GABBR2: variants seen among roughly 807,000 people sequenced by gnomAD.
GABBR2 encodes the protein G-protein coupled receptor 51.
In GABBR2, 23 loss-of-function variants were observed where a neutral mutation model predicts 105.6. The observed-to-expected ratio is 0.22, with a 90% CI of 0.16 to 0.31. The LOEUF (loss-of-function observed/expected upper bound fraction) is 0.31. Among genes scored for constraint, GABBR2 ranks in the 10% least tolerant of loss-of-function variants. The pLI is 1.00. For synonymous variants in GABBR2, 478 were observed against 499.7 expected, an observed-to-expected ratio of 0.96 and a Z score of 0.58; for missense variants, 734 against 1,245.5, an observed-to-expected ratio of 0.59 and a Z score of 6.18.
rs545353236 is a variant in GABBR2 at position 98,565,107 on chromosome 9, C to T, written c.459+12828G>A. On this transcript the variant is annotated intron_variant, in intron 2 of 18. Coordinates refer to ENST00000259455, the MANE Select transcript of GABBR2 (RefSeq NM_005458.8). ...GGAAGGCCACCAGAAAGGCTGGCACCACAGCTCTCTGCCCTACCTGAGGTA... is the reference window on the plus strand; with the variant it reads ...GGAAGGCCACCAGAAAGGCTGGCACTACAGCTCTCTGCCCTACCTGAGGTA... Among the ~76,000 whole-genome samples, 5 of 152,308 alleles carry T rather than the reference C, an allele frequency of 3.3e-5. No individual in the cohort carries two copies. In the South Asian group the frequency reaches 6.2e-4, roughly 19 times the overall value.
chr9:98,477,196 C>T (rs1467916594), intron 5 of GABBR2, among the ~76,000 whole-genome samples: 1 of 152,168 alleles, frequency 6.6e-6, no homozygotes, highest in Non-Finnish European at 1.5e-5. Context: ...CGGTTGTGGA[C>T]CGACCGAATG....
At chr9:98,599,980 C>T (rs974566694) in intron 1 of GABBR2, among the ~76,000 whole-genome samples, 11 of 152,050 alleles carry the variant, frequency 7.2e-5, no homozygotes, top group African/African-American at 1.9e-4. Context: ...AGTGGGAATG[C>T]GAAGAGTCAA....
At chr9:98,394,387 C>T (rs1283936128) in intron 8 of GABBR2, 132 bp from the exon 9 acceptor site, 4 of 659,034 alleles carry the variant, frequency 6.1e-6, no homozygotes, top group African/African-American at 3.6e-5. Flanking sequence ...TCCAATGCCT[C>T]TTCTGGTTAG....
At chr9:98,561,217 G>T (rs912411786) in intron 2 of GABBR2, among the ~76,000 whole-genome samples, 3 of 151,538 alleles carry the variant, frequency 2.0e-5, no homozygotes, top group Admixed American at 1.3e-4. Flanking sequence ...ACCCATATTT[G>T]TCTGATTATC....
intron 12 of GABBR2, among the ~76,000 whole-genome samples, chr9:98,367,211 T>G (rs78603145): frequency 1.4e-5 from 2 of 144,850 alleles, no homozygotes; most frequent in Non-Finnish European, 3.0e-5. Flanking sequence ...GTGGGAGCTA[T>G]GCAAAGAAGA....
chr9:98,559,245 T>A (rs1208547125), intron 2 of GABBR2, among the ~76,000 whole-genome samples: 1 of 152,206 alleles, frequency 6.6e-6, no homozygotes, highest in African/African-American at 2.4e-5. Context: ...TCCTCCCACC[T>A]CAGCCTCCCC....
At chr9:98,607,293 GA>G in intron 1 of GABBR2, 2 of 877,264 alleles carry the variant, frequency 2.3e-6, no homozygotes, top group Admixed American at 1.7e-5. Flanking sequence ...TCAGATGCCT[GA>G]TAACGGTGTA....
chr9:98,311,143 A>G lies in GABBR2; in HGVS notation c.1956T>C (p.His652=). The part of the protein sequence containing the change: ...RPLLEHCENT[H]MTIWLGIVYA... ...AGACGATGCCAAGCCAGATGGTCAT[A>G]TGGGTGTTCTCACAGTGCTCCAGGA... is the stretch of plus-strand genomic sequence containing the variant. The change falls in exon 14 of 19, where the codon CAT becomes CAC. Residue 652 remains histidine, a synonymous_variant. Transcript: ENST00000259455. The G allele has an allele frequency of 6.2e-7, 1 of 1,613,326 alleles. No homozygotes were observed. The highest frequency in any genetic ancestry group is 8.5e-7 in the Non-Finnish European group (1 of 1,179,260).
chr9:98,304,668 T>C (rs1394017307), intron 15 of GABBR2, among the ~76,000 whole-genome samples: 1 of 152,198 alleles, frequency 6.6e-6, no homozygotes, highest in Non-Finnish European at 1.5e-5. Flanking sequence ...GCCTGTTTGC[T>C]GAAATGGACC....
At chr9:98,602,564 T>C (rs1829356068) in intron 1 of GABBR2, among the ~76,000 whole-genome samples, 1 of 152,060 alleles carries the variant, frequency 6.6e-6, no homozygotes, top group South Asian at 2.1e-4. Context: ...GTGCTGGGAT[T>C]ACAGGCGCGA....
In GABBR2 at chr9:98,473,131, G is replaced by T; in HGVS notation, c.999+15C>A. 6.2e-7 allele frequency: 1 copy of T among 1,601,696 alleles called. No homozygotes were observed. The highest frequency in any genetic ancestry group is 8.6e-7 in the Non-Finnish European group (1 of 1,169,416). ...AGGTGGGCCAGAAGGTTGAAATGGG[G>T]ACCAAGGCACTGACCTTTCCTGAGA... On this transcript the variant is annotated intron_variant, in intron 6 of 18. Coordinates refer to ENST00000259455, the MANE Select transcript of GABBR2 (RefSeq NM_005458.8).
intron 3 of GABBR2, among the ~76,000 whole-genome samples, chr9:98,528,039 G>A (rs1827994230): frequency 6.6e-6 from 1 of 152,034 alleles, no homozygotes; most frequent in Non-Finnish European, 1.5e-5. Context: ...TAGCATTTTG[G>A]ATATGTTGTA....
intron 1 of GABBR2, among the ~76,000 whole-genome samples, chr9:98,605,715 C>T (rs973924142): frequency 1.3e-5 from 2 of 152,188 alleles, no homozygotes; most frequent in African/African-American, 2.4e-5. Flanking sequence ...CACTTAACCT[C>T]GTAGCATCCC....
chr9:98,667,971 C>A (rs972600561), intron 1 of GABBR2, among the ~76,000 whole-genome samples: 4 of 152,200 alleles, frequency 2.6e-5, no homozygotes, highest in African/African-American at 9.7e-5. Flanking sequence ...TCCCACGGGG[C>A]AGCCCAGGGC....
At chr9:98,402,320 C>A (rs993246315) in intron 8 of GABBR2, among the ~76,000 whole-genome samples, 1 of 152,244 alleles carries the variant, frequency 6.6e-6, no homozygotes, top group Non-Finnish European at 1.5e-5. Flanking sequence ...AACATGGATA[C>A]TTTTTTTCTC....
At chr9:98,295,540 T>C (rs1830366621) in intron 17 of GABBR2, among the ~76,000 whole-genome samples, 1 of 151,876 alleles carries the variant, frequency 6.6e-6, no homozygotes, top group African/African-American at 2.4e-5. Flanking sequence ...GATGTCTTTT[T>C]TTTTGAGACG....
At chr9:98,591,648 T>C (rs957395422) in intron 1 of GABBR2, among the ~76,000 whole-genome samples, 1 of 152,168 alleles carries the variant, frequency 6.6e-6, no homozygotes, top group Non-Finnish European at 1.5e-5. Flanking sequence ...GGGGAATTCA[T>C]TAGCTAAAGG....
At chr9:98,350,333 G>A (rs1409350163) in intron 13 of GABBR2, among the ~76,000 whole-genome samples, 1 of 151,720 alleles carries the variant, frequency 6.6e-6, no homozygotes, top group African/African-American at 2.4e-5. Flanking sequence ...TGCATCATTA[G>A]GTTATTTGAA....
At chr9:98,519,986 A>T (rs2131710682) in intron 3 of GABBR2, among the ~76,000 whole-genome samples, 1 of 152,330 alleles carries the variant, frequency 6.6e-6, no homozygotes, top group Non-Finnish European at 1.5e-5. Flanking sequence ...CAAAAGCATG[A>T]ACTCGAGTCA....
Sources: gnomAD v4.1 joint callset for allele counts (sites outside exome capture counted in the v4.1 genomes callset) on GRCh38, gnomAD v4.1.1 for gene constraint, MANE v1.5 for transcripts, NCBI Gene and HGNC (gene_info 2026-07-23, HGNC 2026-07-21) for gene names.